GRIA4: variants seen among roughly 807,000 people sequenced by gnomAD.
The protein encoded by GRIA4 is glutamate ionotropic receptor AMPA type subunit 4.
In GRIA4, 34 loss-of-function variants were observed where a neutral mutation model predicts 104.0. The observed-to-expected ratio is 0.33, with a 90% confidence interval of 0.25 to 0.44. GRIA4 has a LOEUF of 0.44. Ranked by LOEUF, GRIA4 falls within the 20% of genes least tolerant of loss-of-function variation. GRIA4 has a pLI of 1.00. For missense variants in GRIA4, 750 were observed against 1,096.5 expected (o/e 0.68, Z 4.46); for synonymous variants, 386 against 381.9 (o/e 1.01, Z -0.13).
intron 13 of GRIA4, among the ~76,000 whole-genome samples, chr11:105,930,945 T>C (rs1947856257): frequency 6.6e-6 from 1 of 152,150 alleles, no homozygotes; most frequent in African/African-American, 2.4e-5. Flanking sequence ...ATTTAAAAAG[T>C]AGTTATATGT....
chr11:105,772,615 G>A (rs937176631), intron 4 of GRIA4, among the ~76,000 whole-genome samples: 7 of 151,882 alleles, frequency 4.6e-5, no homozygotes, highest in Admixed American at 6.6e-5. Flanking sequence ...TGCCCCAACC[G>A]TCACGTTGTT....
At chr11:105,794,469 G>GTGTGTGTATA (rs1427661928) in intron 4 of GRIA4, among the ~76,000 whole-genome samples, 6 of 40,774 alleles carry the variant, frequency 1.5e-4, no homozygotes, top group African/African-American at 4.2e-4. Flanking sequence ...GTGTGTATAT[G>GTGTGTGTATA]TATGTATATA....
At chr11:105,752,411 G>C (rs1319871022) in intron 3 of GRIA4, among the ~76,000 whole-genome samples, 1 of 152,050 alleles carries the variant, frequency 6.6e-6, no homozygotes, top group East Asian at 1.9e-4. Flanking sequence ...GATTCAAGGA[G>C]ACTCTAAGAT....
In GRIA4 at chr11:105,862,169, A is replaced by C. The variant is rs200464044; in HGVS notation, c.633A>C (p.Ile211=). ...GAAGACAAGAGAAGAAGTTTGTAAT[A>C]GACTGTGAGATAGAGAGACTTCAAA... is the stretch of plus-strand genomic sequence containing the variant. ...LDRRQEKKFV[I]DCEIERLQNI... Residue 211 remains isoleucine (I), a synonymous_variant, in exon 5 of 17, where the codon ATA becomes ATC. Transcript: ENST00000282499. 7 of 1,605,248 alleles carry C rather than the reference A, an allele frequency of 4.4e-6. No individual in the cohort carries two copies. In the East Asian group the frequency reaches 1.3e-4, roughly 31 times the overall value.
At chr11:105,781,497 T>C (rs945151897) in intron 4 of GRIA4, among the ~76,000 whole-genome samples, 2 of 152,214 alleles carry the variant, frequency 1.3e-5, no homozygotes, top group African/African-American at 4.8e-5. Flanking sequence ...GTAAATTGCA[T>C]ACCTATTTCC....
chr11:105,610,942 T>C lies in GRIA4; in HGVS notation c.-56T>C. The C allele has an allele frequency of 9.7e-7, 1 of 1,031,900 alleles. No homozygotes were observed. Among genetic ancestry groups the C allele is most frequent in the East Asian group, 2.4e-5 (1 of 41,664 alleles). The allele number at this position is 1,031,900 out of a possible 1,614,324, so 63.9% of individuals were successfully genotyped here. A position where few individuals can be genotyped will look rare whatever the true frequency, so the allele number is the denominator to read the frequency against. On this transcript the variant is annotated 5_prime_UTR_variant, in exon 2 of 17. Transcript: ENST00000282499. ...CTTCAATGCTTCTCTGAACAGCCTT[T>C]AGGAAGAGTGCGAGAGAAAGAGAGA... is the stretch of plus-strand genomic sequence containing the variant.
At chr11:105,746,283 G>A (rs1383641581) in intron 3 of GRIA4, among the ~76,000 whole-genome samples, 1 of 151,926 alleles carries the variant, frequency 6.6e-6, no homozygotes, top group African/African-American at 2.4e-5. Flanking sequence ...TGGTTTTTTA[G>A]TTTACTTGTT....
At chr11:105,737,670 T>C (rs1326798172) in intron 3 of GRIA4, among the ~76,000 whole-genome samples, 1 of 152,122 alleles carries the variant, frequency 6.6e-6, no homozygotes, top group Non-Finnish European at 1.5e-5. Flanking sequence ...ATAAGTATTC[T>C]TAGAGTGCCT....
At chr11:105,681,863 G>A (rs1308870952) in intron 3 of GRIA4, among the ~76,000 whole-genome samples, 1 of 152,020 alleles carries the variant, frequency 6.6e-6, no homozygotes, top group Admixed American at 6.6e-5. Context: ...TCAACATGGT[G>A]AAACCCCATC....
intron 4 of GRIA4, among the ~76,000 whole-genome samples, chr11:105,756,317 C>T (rs1475290818): frequency 6.6e-6 from 1 of 152,034 alleles, no homozygotes; most frequent in Non-Finnish European, 1.5e-5. Context: ...GGATTGGTAG[C>T]CATCCAGAGA....
intron 3 of GRIA4, among the ~76,000 whole-genome samples, chr11:105,692,588 T>C (rs1458188292): frequency 3.3e-5 from 5 of 152,236 alleles, no homozygotes; most frequent in African/African-American, 1.2e-4. Context: ...AACTGCTAAG[T>C]TGAAAATAGC....
intron 3 of GRIA4, among the ~76,000 whole-genome samples, chr11:105,641,154 T>C (rs1951348188): frequency 6.6e-6 from 1 of 152,190 alleles, no homozygotes; most frequent in South Asian, 2.1e-4. Flanking sequence ...ATTTATTTTT[T>C]AGATCTAGAA....
chr11:105,708,481 T>C (rs1163155434), intron 3 of GRIA4, among the ~76,000 whole-genome samples: 1 of 152,130 alleles, frequency 6.6e-6, no homozygotes, highest in African/African-American at 2.4e-5. Flanking sequence ...CTAACTATAT[T>C]ACAAATAACT....
chr11:105,633,520 AT>A (rs1240517571), intron 3 of GRIA4, among the ~76,000 whole-genome samples: 6 of 152,182 alleles, frequency 3.9e-5, no homozygotes, highest in African/African-American at 1.4e-4. Context: ...AATGTGCATT[AT>A]TATTCAAGCT....
intron 3 of GRIA4, among the ~76,000 whole-genome samples, chr11:105,662,590 A>G (rs1239663020): frequency 6.6e-6 from 1 of 151,976 alleles, no homozygotes; most frequent in African/African-American, 2.4e-5. Flanking sequence ...ACAGCAATAT[A>G]TAACTATTGA....
intron 3 of GRIA4, chr11:105,706,968 A>T (rs572039277): frequency 6.6e-6 from 1 of 152,366 alleles, no homozygotes; most frequent in African/African-American, 2.4e-5. Context: ...GGATACCTAT[A>T]TTCTATTTAA....
chr11:105,940,643 T>C (rs577840203), intron 14 of GRIA4, among the ~76,000 whole-genome samples: 4 of 152,276 alleles, frequency 2.6e-5, no homozygotes, highest in African/African-American at 9.6e-5. Flanking sequence ...ATGCTAATGA[T>C]AAACATTTAC....
intron 7 of GRIA4, among the ~76,000 whole-genome samples, chr11:105,900,659 C>T (rs555029828): frequency 6.6e-6 from 1 of 152,192 alleles, no homozygotes; most frequent in East Asian, 1.9e-4. Context: ...CGATCTCGCC[C>T]CTCACTGCAA....
At chr11:105,811,993 C>T (rs1943190630) in intron 4 of GRIA4, among the ~76,000 whole-genome samples, 1 of 152,186 alleles carries the variant, frequency 6.6e-6, no homozygotes, top group Non-Finnish European at 1.5e-5. Context: ...AATCTGCAGA[C>T]CGTGATTTTA....
Sources: gnomAD v4.1 joint callset for allele counts (sites outside exome capture counted in the v4.1 genomes callset) on GRCh38, gnomAD v4.1.1 for gene constraint, MANE v1.5 for transcripts, NCBI Gene and HGNC (gene_info 2026-07-23, HGNC 2026-07-21) for gene names.